The following HDAC4 variants were observed in gnomAD, a reference collection of about 807,000 sequenced individuals.
HDAC4 encodes histone deacetylase A.
In HDAC4, 16 loss-of-function variants were observed where a neutral mutation model predicts 135.1. That is an observed-to-expected ratio of 0.12 (90% confidence interval 0.08 to 0.18). The LOEUF is 0.18. Ranked by LOEUF, HDAC4 falls within the 10% of genes least tolerant of loss-of-function variation. The pLI, the probability that HDAC4 is intolerant of heterozygous loss-of-function variation, is 1.00. For missense variants in HDAC4, 1,143 were observed against 1,511.8 expected (o/e 0.76, Z 4.05); for synonymous variants, 685 against 653.4 (o/e 1.05, Z -0.74).
rs1345475711 is a variant in HDAC4, at chr2:239,309,502, C to A, written c.22+43176G>T. ...TAACACTCAGCTCCACTCCTGCTTCCTTCCTCTCACTCCACATCCGAGTTA... is the reference window on the plus strand; with the variant it reads ...TAACACTCAGCTCCACTCCTGCTTCATTCCTCTCACTCCACATCCGAGTTA... On this transcript the variant is annotated intron_variant, in intron 2 of 26. Coordinates refer to ENST00000543185, the MANE Select transcript of HDAC4 (RefSeq NM_001378414.1). The surrounding 1 kb of genome is among the most constrained non-coding windows in gnomAD (Gnocchi z 4.2). Among the ~76,000 whole-genome samples the A allele has an allele frequency of 1.3e-5, 2 of 152,262 alleles. No homozygotes were observed. Among genetic ancestry groups the A allele is most frequent in the African/African-American group, 2.4e-5 (1 of 41,478 alleles).
chr2:239,100,748 A>G (rs1559426654), intron 16 of HDAC4, among the ~76,000 whole-genome samples: 1 of 152,098 alleles, frequency 6.6e-6, no homozygotes, highest in Non-Finnish European at 1.5e-5. Context: ...AAATCCACAG[A>G]GGGGTCTCCT....
chr2:239,132,775 G>T (rs1292974871), intron 11 of HDAC4, among the ~76,000 whole-genome samples: 1 of 152,230 alleles, frequency 6.6e-6, no homozygotes, highest in Non-Finnish European at 1.5e-5. Context: ...ATTTAGAGAA[G>T]GAAAGAAGAT....
chr2:239,364,925 G>A lies in HDAC4; in HGVS notation c.-219-12007C>T, dbSNP rs78538487. On this transcript the variant is annotated intron_variant, in intron 1 of 26. Transcript: ENST00000543185. ...GGAAAAGAATTCTTTCAGAACCCAC[G>A]AGGGTGCAAACACAGGGTGCAGATT... Among the ~76,000 whole-genome samples, 629 of 152,348 alleles carry A rather than the reference G, an allele frequency of 4.1e-3. 2 individuals carry two copies. The highest frequency in any genetic ancestry group is 0.014 in the African/African-American group (578 of 41,562).
intron 1 of HDAC4, among the ~76,000 whole-genome samples, chr2:239,376,612 G>A (rs990942843): frequency 5.3e-5 from 8 of 152,348 alleles, no homozygotes; most frequent in Non-Finnish European, 8.8e-5. Context: ...CACAACACCC[G>A]CCCCAGGGGG....
chr2:239,126,848 C>T lies in HDAC4; in HGVS notation c.1295-154G>A, dbSNP rs3791448. Among the ~76,000 whole-genome samples, 25,216 of 152,246 alleles carry T rather than the reference C, an allele frequency of 0.17. 3,035 individuals carry two copies. Among genetic ancestry groups the T allele is most frequent in the African/African-American group, 0.33 (13,834 of 41,524 alleles). ...CCCCAGAGCTGGCTCGCTAACTGGG[C>T]CCCTTCCAGCTGAGGCTGGGGGCCG... On this transcript the variant is annotated intron_variant, in intron 11 of 26. Transcript: ENST00000543185.
At position 239,068,588 on chromosome 2, in the gene HDAC4, C is replaced by T. The variant is rs771662328; in HGVS notation, c.2770G>A (p.Ala924Thr). The change falls in exon 23 of 27, where the codon GCC (alanine) becomes ACC (threonine). Residue 924 changes from alanine to threonine, a missense_variant. By Grantham distance (58) the Ala-to-Thr change is moderately conservative. This residue lies in a region of HDAC4 where 189 missense variants were observed against 317.6 expected (regional missense o/e 0.60). Transcript: ENST00000543185. The surrounding 1 kb of genome is among the most constrained non-coding windows in gnomAD (Gnocchi z 4.4). Reference protein sequence around the residue: ...AAFRTVVMPIASEFAPDVVLV... With the variant: ...AAFRTVVMPITSEFAPDVVLV... ...ACCACATCCGGGGCAAACTCGCTGG[C>T]GATCGGCATGACCACCGTTCTGCAA... The T allele has an allele frequency of 1.5e-5, 24 of 1,613,778 alleles. No individual in the cohort carries two copies. The highest frequency in any genetic ancestry group is 8.8e-5 in the South Asian group (8 of 91,076).
intron 22 of HDAC4, among the ~76,000 whole-genome samples, chr2:239,080,267 C>T (rs62189540): frequency 0.098 from 14,863 of 152,304 alleles, 929 homozygotes; most frequent in Non-Finnish European, 0.14. Context: ...ACCATGGAGA[C>T]AGAGAAAGAG....
At chr2:239,360,081 C>A (rs753652598) in intron 1 of HDAC4, among the ~76,000 whole-genome samples, 1 of 152,140 alleles carries the variant, frequency 6.6e-6, no homozygotes, top group African/African-American at 2.4e-5. Context: ...GCTGGCAAAG[C>A]AGGTGGAGGG....
rs143851994 is a variant in HDAC4 at position 239,141,382 on chromosome 2, T to C, written c.866-1586A>G. Among the ~76,000 whole-genome samples, 1,355 of 152,258 alleles carry C rather than the reference T, an allele frequency of 8.9e-3. 9 individuals carry two copies. Among genetic ancestry groups the C allele is most frequent in the Non-Finnish European group, 0.013 (867 of 68,018 alleles). On this transcript the variant is annotated intron_variant, in intron 8 of 26. Transcript: ENST00000543185. This position sits in a 1 kb window ranked among gnomAD's most constrained non-coding sequence, Gnocchi z 4.9. The stretch of plus-strand genomic sequence containing the variant: ...AGCTCACTGTCCTGGGCATTGAGCA[T>C]GAATACAGGACTGGGTCCCGACCCT...
chr2:239,347,391 T>C (rs576922331), intron 2 of HDAC4, among the ~76,000 whole-genome samples: 80 of 152,360 alleles, frequency 5.3e-4, no homozygotes, highest in African/African-American at 1.9e-3. Context: ...CAAGTCATTG[T>C]GGACAGAGAC....
intron 2 of HDAC4, among the ~76,000 whole-genome samples, chr2:239,347,962 C>CCACGTCCCAGCAAATG (rs1303136190): frequency 6.6e-6 from 1 of 150,896 alleles, no homozygotes; most frequent in Non-Finnish European, 1.5e-5. Flanking sequence ...CCCAGCAAAT[C>CCACGTCCCAGCAAATG]CACGTCCCAG....
At chr2:239,205,196 C>T (rs115042768) in intron 3 of HDAC4, among the ~76,000 whole-genome samples, 107 of 152,270 alleles carry the variant, frequency 7.0e-4, no homozygotes, top group African/African-American at 2.4e-3. Context: ...TCTGGAGAGG[C>T]AATATTTGAA....
intron 2 of HDAC4, among the ~76,000 whole-genome samples, chr2:239,339,658 C>G (rs1309456313): frequency 1.3e-5 from 2 of 152,186 alleles, no homozygotes; most frequent in African/African-American, 4.8e-5. Context: ...ACACATGTGG[C>G]CCGCGGCCCC....
At chr2:239,059,948 G>A (rs1285923445) in intron 24 of HDAC4, among the ~76,000 whole-genome samples, 2 of 152,158 alleles carry the variant, frequency 1.3e-5, no homozygotes. Flanking sequence ...GGGGGCCCTT[G>A]GATCCACCCA....
chr2:239,090,193 T>A, intron 17 of HDAC4, 77 bp from the exon 18 acceptor site: 1 of 1,040,076 alleles, frequency 9.6e-7, no homozygotes, highest in Admixed American at 1.8e-5. Flanking sequence ...GCAGAGCAGC[T>A]CAGGTTCCGT....
chr2:239,282,072 C>G (rs1001878571), intron 2 of HDAC4, among the ~76,000 whole-genome samples: 3 of 151,004 alleles, frequency 2.0e-5, no homozygotes, highest in Non-Finnish European at 4.4e-5. Context: ...ACTCTACACA[C>G]AATGTATACA....
chr2:239,244,029 A>G (rs1029314613), intron 2 of HDAC4, among the ~76,000 whole-genome samples: 6 of 152,066 alleles, frequency 3.9e-5, no homozygotes, highest in African/African-American at 1.5e-4. Context: ...ATTTTATAGA[A>G]TGTGCTTCAA....
At chr2:239,137,791 G>A (rs1412811271) in intron 9 of HDAC4, among the ~76,000 whole-genome samples, 4 of 152,230 alleles carry the variant, frequency 2.6e-5, no homozygotes, top group Non-Finnish European at 5.9e-5. Flanking sequence ...GCGCCTGGGT[G>A]TGATCCAACA....
intron 5 of HDAC4, among the ~76,000 whole-genome samples, chr2:239,172,531 C>T (rs1054392153): frequency 6.6e-6 from 1 of 151,914 alleles, no homozygotes; most frequent in Non-Finnish European, 1.5e-5. Flanking sequence ...AAATGTATAG[C>T]TATATAAGCA....
Sources: gnomAD v4.1 joint callset for allele counts (sites outside exome capture counted in the v4.1 genomes callset) on GRCh38, gnomAD v4.1.1 for gene constraint, gnomAD v4.1.1 regional missense constraint, Gnocchi (gnomAD v3.1) non-coding constraint, MANE v1.5 for transcripts, NCBI Gene and HGNC (gene_info 2026-07-23, HGNC 2026-07-21) for gene names.